MAF: variants seen among roughly 807,000 people sequenced by gnomAD.
MAF encodes MAF bZIP transcription factor, also known as transcription factor Maf.
A neutral mutation model predicts 22.0 loss-of-function variants in MAF; 10 were observed. The ratio of observed to expected loss-of-function variants is 0.45; its 90% CI spans 0.28 to 0.77. MAF has a LOEUF of 0.77. Among genes scored for constraint, MAF ranks in the 30% least tolerant of loss-of-function variants. The pLI is 0.12. For missense variants in MAF, 544 were observed against 548.4 expected (o/e 0.99, Z 0.08); for synonymous variants, 337 against 255.8 (o/e 1.32, Z -3.03).
At chr16:79,452,818 A>T in the MAF span, among the ~76,000 whole-genome samples, 61 of 152,280 alleles carry the variant, frequency 4.0e-4, no homozygotes, top group Admixed American at 2.1e-3. Context: ...AAGGGAGATT[A>T]CCTCTTGAGT....
chr16:79,209,345 A>G, the MAF span, among the ~76,000 whole-genome samples: 39 of 152,352 alleles, frequency 2.6e-4, no homozygotes, highest in Middle Eastern at 6.8e-3. Context: ...GCAACGTGGT[A>G]TCATTACAGT....
chr16:79,425,725 C>G, the MAF span, among the ~76,000 whole-genome samples: 3 of 150,926 alleles, frequency 2.0e-5, no homozygotes, highest in African/African-American at 7.3e-5. Context: ...GTACCCAGCA[C>G]TGTGCTAGCT....
chr16:79,212,029 G>A, the MAF span: 2 of 1,536,238 alleles, frequency 1.3e-6, no homozygotes, highest in African/African-American at 1.4e-5. Flanking sequence ...TTTGCTTTCT[G>A]GTGGTGGCCT....
At chr16:79,547,308 T>C in the MAF span, among the ~76,000 whole-genome samples, 1 of 151,738 alleles carries the variant, frequency 6.6e-6, no homozygotes, top group African/African-American at 2.4e-5. Flanking sequence ...CATACTCCTA[T>C]ACACATTCGC....
the MAF span, among the ~76,000 whole-genome samples, chr16:79,286,870 T>C: frequency 1.1e-4 from 16 of 152,114 alleles, no homozygotes; most frequent in Admixed American, 5.9e-4. Context: ...TCAACATGCC[T>C]CTTCCCCGCC....
At chr16:79,578,906 T>C in the MAF span, among the ~76,000 whole-genome samples, 43 of 152,126 alleles carry the variant, frequency 2.8e-4, no homozygotes, top group African/African-American at 1.0e-3. Flanking sequence ...AGCATAAAAA[T>C]ACAGCAGAGT....
rs1304981747 is a variant in MAF, at chr16:79,600,672, G to C, written c.-770C>G. ...AGCAAAGGGGGGAGGGGGAGGCCAA[G>C]CCGACAAGCAGCCCGAGCTACAGCT... is the stretch of plus-strand genomic sequence containing the variant. On this transcript the variant is annotated 5_prime_UTR_variant, in exon 1 of 2. Transcript: ENST00000326043. The C allele has an allele frequency of 5.1e-6, 1 of 196,240 alleles. No individual in the cohort carries two copies. 12.2% of individuals were successfully genotyped at this position (196,240 alleles called of 1,614,324 possible). A position where few individuals can be genotyped will look rare whatever the true frequency, so the allele number is the denominator to read the frequency against.
chr16:79,518,092 GT>G, the MAF span, among the ~76,000 whole-genome samples: 1 of 152,202 alleles, frequency 6.6e-6, no homozygotes, highest in Non-Finnish European at 1.5e-5. Context: ...GTAGACATTA[GT>G]TTATTACATT....
the MAF span, among the ~76,000 whole-genome samples, chr16:79,254,106 T>A: frequency 6.6e-6 from 1 of 152,154 alleles, no homozygotes; most frequent in Non-Finnish European, 1.5e-5. Context: ...CACATTTACA[T>A]TGTAAAAGTA....
At chr16:79,291,522 G>A in the MAF span, among the ~76,000 whole-genome samples, 9 of 151,348 alleles carry the variant, frequency 5.9e-5, no homozygotes, top group African/African-American at 2.2e-4. Context: ...TTCCTTTTTA[G>A]CACTCCTAAG....
At chr16:79,212,696 A>ATGTTTTATTGTTTCTTTAAATGTT in the MAF span, 1 of 152,158 alleles carries the variant, frequency 6.6e-6, no homozygotes, top group African/African-American at 2.4e-5. Context: ...GTTTCTTTAA[A>ATGTTTTATTGTTTCTTTAAATGTT]TGTTTGTTTC....
the MAF span, among the ~76,000 whole-genome samples, chr16:79,575,795 C>A: frequency 2.0e-5 from 3 of 152,260 alleles, no homozygotes; most frequent in Admixed American, 6.5e-5. Flanking sequence ...GGAACAGAAA[C>A]CTGAAAGCAT....
the MAF span, among the ~76,000 whole-genome samples, chr16:79,230,154 A>G: frequency 6.6e-6 from 1 of 152,108 alleles, no homozygotes; most frequent in Non-Finnish European, 1.5e-5. Flanking sequence ...TTTGAGAAAC[A>G]TTTCTGGTTC....
the MAF span, among the ~76,000 whole-genome samples, chr16:79,429,051 T>C: frequency 6.6e-6 from 1 of 152,114 alleles, no homozygotes; most frequent in African/African-American, 2.4e-5. Flanking sequence ...TAGGATGTGC[T>C]GTAAGCAATG....
chr16:79,574,032 A>T, the MAF span, among the ~76,000 whole-genome samples: 1 of 152,156 alleles, frequency 6.6e-6, no homozygotes, highest in Non-Finnish European at 1.5e-5. Flanking sequence ...ACTATGTGCT[A>T]CTCACCGATA....
chr16:79,461,786 G>A, the MAF span, among the ~76,000 whole-genome samples: 31 of 152,218 alleles, frequency 2.0e-4, 1 homozygote, highest in East Asian at 4.1e-3. Flanking sequence ...AAAATGGAGA[G>A]GATCCCTATG....
At chr16:79,350,902 T>TGC in the MAF span, among the ~76,000 whole-genome samples, 49 of 147,946 alleles carry the variant, frequency 3.3e-4, no homozygotes, top group Admixed American at 1.0e-3. Context: ...TGTGTGTGTG[T>TGC]GCGTGTGAAT....
At chr16:79,278,722 C>T in the MAF span, among the ~76,000 whole-genome samples, 3 of 152,024 alleles carry the variant, frequency 2.0e-5, no homozygotes, top group South Asian at 2.1e-4. Context: ...GTGTGATTTG[C>T]GTAGTCAGGA....
At chr16:79,441,304 C>A in the MAF span, among the ~76,000 whole-genome samples, 2 of 152,180 alleles carry the variant, frequency 1.3e-5, no homozygotes, top group Non-Finnish European at 2.9e-5. Context: ...ACGTGTTTTC[C>A]TGTTTTTCCC....
Sources: allele counts gnomAD v4.1 joint callset (sites outside exome capture counted in the v4.1 genomes callset), GRCh38; gene constraint gnomAD v4.1.1; transcripts MANE v1.5; gene names NCBI Gene and HGNC (gene_info 2026-07-23, HGNC 2026-07-21).